Variants in ADCY5 observed in about 807,000 individuals in gnomAD.
ADCY5 encodes the protein adenylate cyclase 5.
Under a neutral mutation model 119.7 loss-of-function variants are expected in ADCY5, and 30 were observed. That is an observed-to-expected ratio of 0.25 (90% CI 0.19 to 0.34). The LOEUF is 0.34. ADCY5 is among the 10% of genes least tolerant of loss of function. The pLI is 1.00. For missense variants in ADCY5, 1,324 were observed against 1,775.2 expected (o/e 0.75, Z 4.57); for synonymous variants, 753 against 762.2 (o/e 0.99, Z 0.20).
chr3:123,317,752 A>G (rs1401709855), intron 11 of ADCY5, among the ~76,000 whole-genome samples: 1 of 146,088 alleles, frequency 6.8e-6, no homozygotes, highest in African/African-American at 2.5e-5. Context: ...CGCCGACCCA[A>G]AAAAAAAAAA....
intron 1 of ADCY5, among the ~76,000 whole-genome samples, chr3:123,360,427 C>CCTCTGTAAACACCATTCT (rs1333439034): frequency 6.6e-6 from 1 of 152,148 alleles, no homozygotes; most frequent in Non-Finnish European, 1.5e-5. Flanking sequence ...GGGCCTCCAG[C>CCTCTGTAAACACCATTCT]CTCTGTAAAC....
intron 11 of ADCY5, among the ~76,000 whole-genome samples, chr3:123,317,627 C>T (rs1468840795): frequency 5.9e-5 from 9 of 151,814 alleles, no homozygotes; most frequent in Non-Finnish European, 1.3e-4. Flanking sequence ...CCCAGCTACT[C>T]AGGAGGCTGA....
chr3:123,325,405 G>A lies in ADCY5; in HGVS notation c.2005C>T (p.His669Tyr). Residue 669 changes from histidine to tyrosine, a missense_variant, in exon 8 of 21, where the codon CAC becomes TAC. Physicochemically the swap from His to Tyr is moderately conservative, Grantham distance 83. Transcript: ENST00000462833. ...TCAGCCCCCCAGTGTGGTGGGTTGT[G>A]CCCGATGGAGTTGGTTCTCTGGCGG... ...MNRQRTNSIG[H>Y]NPPHWGAERP... 1.2e-6 allele frequency: 2 copies of A among 1,614,180 alleles called. No individual in the cohort carries two copies. Among genetic ancestry groups the A allele is most frequent in the East Asian group, 2.2e-5 (1 of 44,864 alleles).
chr3:123,427,242 C>T (rs1376494384), intron 1 of ADCY5, among the ~76,000 whole-genome samples: 1 of 152,208 alleles, frequency 6.6e-6, no homozygotes, highest in Admixed American at 6.5e-5. Context: ...AGACCACCTC[C>T]ATGCCCTAAC....
chr3:123,390,664 G>A (rs568261570), intron 1 of ADCY5, among the ~76,000 whole-genome samples: 59 of 152,326 alleles, frequency 3.9e-4, no homozygotes, highest in African/African-American at 5.8e-4. Flanking sequence ...CCCCTGGGGC[G>A]TGGCAGATGT....
chr3:123,289,909 T>C lies in ADCY5; in HGVS notation c.3373A>G (p.Ile1125Val), dbSNP rs747386904. The change falls in exon 19 of 21, where the codon ATC becomes GTC. Residue 1125 changes from isoleucine (I) to valine (V), a missense_variant. By Grantham distance (29) the Ile-to-Val change is conservative. This residue lies in a region of ADCY5 where 178 missense variants were observed against 329.6 expected (regional missense o/e 0.54). Transcript: ENST00000462833. ...RFRQLEKIKT[I>V]GSTYMAASGL... ...GAGGCAGCCATGTAGGTGCTGCCGA[T>C]GGTCTTGATCTTCTCCAGCTGCCGG... 1.9e-6 allele frequency: 3 copies of C among 1,614,184 alleles called. No individual in the cohort carries two copies. Among genetic ancestry groups the C allele is most frequent in the Non-Finnish European group, 2.5e-6 (3 of 1,180,024 alleles).
intron 1 of ADCY5, among the ~76,000 whole-genome samples, chr3:123,437,884 T>A (rs1481971788): frequency 6.6e-6 from 1 of 152,194 alleles, no homozygotes; most frequent in African/African-American, 2.4e-5. Context: ...AGAAAATTCC[T>A]AAAAGAAACT....
intron 3 of ADCY5, among the ~76,000 whole-genome samples, chr3:123,346,587 C>T (rs1041859182): frequency 6.6e-6 from 1 of 150,622 alleles, no homozygotes; most frequent in Admixed American, 6.6e-5. Flanking sequence ...TCCCTCACCC[C>T]TACTGCTGTC....
rs1030544006 is a variant in ADCY5, at chr3:123,282,317, A to G, written c.*2291T>C. On this transcript the variant is annotated 3_prime_UTR_variant, in exon 21 of 21. Coordinates refer to ENST00000462833, the MANE Select transcript of ADCY5 (RefSeq NM_183357.3). Reference sequence around the variant, plus strand: ...CACATTACCAGTGAAAGTGTTTAATAGTTAAATTATTTAAATAGACTTTTC... The same window carrying G: ...CACATTACCAGTGAAAGTGTTTAATGGTTAAATTATTTAAATAGACTTTTC... 2 of 152,308 alleles carry G rather than the reference A, an allele frequency of 1.3e-5. No individual in the cohort carries two copies. Among genetic ancestry groups the G allele is most frequent in the Admixed American group, 1.3e-4 (2 of 15,284 alleles). The allele number at this position is 152,308 out of a possible 1,614,324, so 9.4% of individuals were successfully genotyped here.
chr3:123,357,793 C>T (rs1358532220), intron 1 of ADCY5, among the ~76,000 whole-genome samples: 1 of 152,176 alleles, frequency 6.6e-6, no homozygotes, highest in Admixed American at 6.5e-5. Flanking sequence ...TGTGCAGATG[C>T]TCCGCTTATG....
intron 8 of ADCY5, among the ~76,000 whole-genome samples, chr3:123,323,226 C>T (rs181400828): frequency 1.0e-3 from 157 of 152,024 alleles, no homozygotes; most frequent in Admixed American, 3.6e-3. Context: ...AAGCGATGAA[C>T]GCTGTGGAGG....
intron 8 of ADCY5, among the ~76,000 whole-genome samples, chr3:123,321,623 A>G (rs2108353487): frequency 6.6e-6 from 1 of 152,330 alleles, no homozygotes; most frequent in Middle Eastern, 3.4e-3. Context: ...GGACTAGGAC[A>G]GAGGATGCCC....
intron 1 of ADCY5, among the ~76,000 whole-genome samples, chr3:123,362,114 G>A (rs6767844): frequency 0.39 from 60,022 of 152,036 alleles, 12,474 homozygotes; most frequent in Non-Finnish European, 0.45. Context: ...TATGAATAAT[G>A]TTGCTGTGAT....
In ADCY5 at chr3:123,327,599, C is replaced by G. The variant is rs370249253; in HGVS notation, c.1947+19G>C. ...GGAGGAAGGGAGCCCCTCAGCCCCCCGGCCCCCAGCCCACAGACCCGCTTC... is the reference window on the plus strand; with the variant it reads ...GGAGGAAGGGAGCCCCTCAGCCCCCGGGCCCCCAGCCCACAGACCCGCTTC... On this transcript the variant is annotated intron_variant, in intron 7 of 20. Coordinates refer to ENST00000462833, the MANE Select transcript of ADCY5 (RefSeq NM_183357.3). The G allele has an allele frequency of 1.9e-6, 3 of 1,608,690 alleles. No homozygotes were observed. Among genetic ancestry groups the G allele is most frequent in the Admixed American group, 1.7e-5 (1 of 59,692 alleles).
intron 1 of ADCY5, among the ~76,000 whole-genome samples, chr3:123,431,873 G>A (rs117130208): frequency 1.3e-5 from 2 of 152,184 alleles, no homozygotes; most frequent in East Asian, 3.9e-4. Flanking sequence ...AATCAGACTC[G>A]GTGTCATCAC....
At chr3:123,348,044 T>C in intron 2 of ADCY5, 141 bp from the exon 3 acceptor site, 1 of 691,390 alleles carries the variant, frequency 1.4e-6, no homozygotes, top group Non-Finnish European at 2.4e-6. Context: ...ACAGTGTGTG[T>C]GTGTGTGTGT....
intron 17 of ADCY5, among the ~76,000 whole-genome samples, chr3:123,291,865 A>G (rs1354698419): frequency 1.3e-5 from 2 of 152,226 alleles, no homozygotes; most frequent in Non-Finnish European, 2.9e-5. Context: ...GGGGGAAAAC[A>G]GCCCAAAGCC....
intron 12 of ADCY5, among the ~76,000 whole-genome samples, chr3:123,308,185 C>T (rs909478231): frequency 7.2e-5 from 11 of 151,916 alleles, no homozygotes; most frequent in Admixed American, 3.9e-4. Flanking sequence ...AGGCGCCCAC[C>T]ACCACGCCCG....
chr3:123,362,184 G>C (rs1943269335), intron 1 of ADCY5, among the ~76,000 whole-genome samples: 1 of 152,136 alleles, frequency 6.6e-6, no homozygotes, highest in South Asian at 2.1e-4. Context: ...ATATATCTAG[G>C]AGCAGAATTG....
Sources: gnomAD v4.1 joint callset for allele counts (sites outside exome capture counted in the v4.1 genomes callset) on GRCh38, gnomAD v4.1.1 for gene constraint, gnomAD v4.1.1 regional missense constraint, MANE v1.5 for transcripts, NCBI Gene and HGNC (gene_info 2026-07-23, HGNC 2026-07-21) for gene names.